Variants in GNAL observed in about 807,000 individuals in gnomAD.
GNAL encodes guanine nucleotide-binding protein G(olf) subunit alpha.
Under a neutral mutation model 55.1 loss-of-function variants are expected in GNAL, and 18 were observed. The observed-to-expected ratio is 0.33, with a 90% confidence interval of 0.23 to 0.48. The LOEUF (loss-of-function observed/expected upper bound fraction) is 0.48. Ranked by LOEUF, GNAL falls within the 20% of genes least tolerant of loss-of-function variation. The probability of loss-of-function intolerance (pLI) is 0.99; values close to 1 mark genes in which losing one functional copy is unlikely to be tolerated. For missense variants in GNAL, 412 were observed against 614.1 expected (o/e 0.67, Z 3.48); for synonymous variants, 253 against 237.0 (o/e 1.07, Z -0.62).
intron 1 of GNAL, among the ~76,000 whole-genome samples, chr18:11,703,646 G>A (rs189315866): frequency 1.6e-4 from 25 of 152,260 alleles, no homozygotes; most frequent in Admixed American, 1.0e-3. Flanking sequence ...AGTGGACTTC[G>A]CTGTGCCTCA....
chr18:11,884,697 G>A lies in GNAL; in HGVS notation c.*3562G>A, dbSNP rs2036920794. The A allele has an allele frequency of 2.0e-6, 3 of 1,502,606 alleles. No individual in the cohort carries two copies. Among genetic ancestry groups the A allele is most frequent in the Non-Finnish European group, 2.7e-6 (3 of 1,091,986 alleles). 93.1% of individuals were successfully genotyped at this position (1,502,606 alleles called of 1,614,324 possible). A position where few individuals can be genotyped will look rare whatever the true frequency, so the allele number is the denominator to read the frequency against. ...GTTGAACACCGCAGTCTTAGAAACAGCAGAGGGAAGACTGCCTTCTCAGGT... is the reference window on the plus strand; with the variant it reads ...GTTGAACACCGCAGTCTTAGAAACAACAGAGGGAAGACTGCCTTCTCAGGT... On this transcript the variant is annotated 3_prime_UTR_variant, in exon 12 of 12. Coordinates refer to ENST00000334049, the MANE Select transcript of GNAL (RefSeq NM_182978.4).
At chr18:11,826,976 C>G (rs1219192441) in intron 5 of GNAL, among the ~76,000 whole-genome samples, 1 of 152,084 alleles carries the variant, frequency 6.6e-6, no homozygotes, top group Non-Finnish European at 1.5e-5. Flanking sequence ...CAGCTTCAGA[C>G]AAGGAAGAGC....
At chr18:11,802,627 A>C (rs1688775964) in intron 4 of GNAL, among the ~76,000 whole-genome samples, 1 of 152,210 alleles carries the variant, frequency 6.6e-6, no homozygotes. Flanking sequence ...TGGTCACTGC[A>C]TATTTCTATA....
intron 5 of GNAL, among the ~76,000 whole-genome samples, chr18:11,859,455 A>C (rs569826751): frequency 6.6e-6 from 1 of 152,196 alleles, no homozygotes; most frequent in South Asian, 2.1e-4. Context: ...AGCAACCACC[A>C]TGCCAAAACT....
At chr18:11,760,131 C>T (rs1209942810) in intron 4 of GNAL, among the ~76,000 whole-genome samples, 2 of 152,236 alleles carry the variant, frequency 1.3e-5, no homozygotes, top group Non-Finnish European at 1.5e-5. Context: ...TCTTGGAGTG[C>T]ATCTCCTGCT....
chr18:11,876,706 C>T lies in GNAL; in HGVS notation c.1230+18C>T. 1 of 1,492,684 alleles carries T rather than the reference C, an allele frequency of 6.7e-7. No individual in the cohort carries two copies. Among genetic ancestry groups the T allele is most frequent in the Non-Finnish European group, 9.4e-7 (1 of 1,069,222 alleles). The allele number at this position is 1,492,684 out of a possible 1,614,324, so 92.5% of individuals were successfully genotyped here. A position where few individuals can be genotyped will look rare whatever the true frequency, so the allele number is the denominator to read the frequency against. ...TGTTTTTGGTAAGCAATTTTGTTAA[C>T]CTTTGTTTTTCTACCTCCCTTCTTA... On this transcript the variant is annotated intron_variant, in intron 11 of 11. Transcript: ENST00000334049.
At chr18:11,801,364 A>T (rs1277645202) in intron 4 of GNAL, among the ~76,000 whole-genome samples, 1 of 152,210 alleles carries the variant, frequency 6.6e-6, no homozygotes, top group Non-Finnish European at 1.5e-5. Context: ...CAGCCTCGCC[A>T]GCATGGTGAA....
intron 5 of GNAL, among the ~76,000 whole-genome samples, chr18:11,825,528 C>T (rs890719869): frequency 5.3e-5 from 8 of 152,024 alleles, no homozygotes; most frequent in East Asian, 3.9e-4. Context: ...GTCAGGAGTT[C>T]GAGACCAGCC....
At chr18:11,747,799 C>T (rs1374552627) in intron 1 of GNAL, among the ~76,000 whole-genome samples, 1 of 152,184 alleles carries the variant, frequency 6.6e-6, no homozygotes, top group African/African-American at 2.4e-5. Context: ...TACTTTTGTG[C>T]CTTTCAAATT....
chr18:11,822,692 C>T (rs990774616), intron 4 of GNAL, among the ~76,000 whole-genome samples: 2 of 152,216 alleles, frequency 1.3e-5, no homozygotes, highest in East Asian at 3.9e-4. Context: ...GCTCTGGGGT[C>T]AGCACCGTGT....
At chr18:11,832,457 C>A (rs1384515402) in intron 5 of GNAL, among the ~76,000 whole-genome samples, 1 of 152,146 alleles carries the variant, frequency 6.6e-6, no homozygotes, top group African/African-American at 2.4e-5. Flanking sequence ...CTGATTTGAT[C>A]CTATGGCTGT....
At chr18:11,810,895 C>T (rs2034796494) in intron 4 of GNAL, 2 of 152,510 alleles carry the variant, frequency 1.3e-5, no homozygotes, top group Middle Eastern at 3.4e-3. Context: ...GTGGTTGAAG[C>T]TCAGTTCTGA....
chr18:11,701,781 A>C (rs2031578464), intron 1 of GNAL, among the ~76,000 whole-genome samples: 1 of 152,140 alleles, frequency 6.6e-6, no homozygotes, highest in South Asian at 2.1e-4. Flanking sequence ...AGATGAAGAA[A>C]GTTTGAGCAA....
intron 5 of GNAL, among the ~76,000 whole-genome samples, chr18:11,830,746 T>C (rs777026560): frequency 3.9e-5 from 6 of 152,208 alleles, no homozygotes; most frequent in Non-Finnish European, 7.3e-5. Context: ...AAATGAAGAA[T>C]GTATAGACAA....
intron 1 of GNAL, among the ~76,000 whole-genome samples, chr18:11,705,037 C>T (rs540106783): frequency 5.7e-4 from 87 of 152,208 alleles, no homozygotes; most frequent in African/African-American, 2.1e-3. Context: ...ATGGGGACAA[C>T]GTTGTACAGC....
intron 4 of GNAL, among the ~76,000 whole-genome samples, chr18:11,793,479 G>A (rs10401124): frequency 0.02 from 2,984 of 152,120 alleles, 106 homozygotes; most frequent in African/African-American, 0.069. Flanking sequence ...CTACTTGGGG[G>A]GCTGAGGCAG....
At chr18:11,750,690 C>A (rs1259495716) in intron 1 of GNAL, among the ~76,000 whole-genome samples, 1 of 152,038 alleles carries the variant, frequency 6.6e-6, no homozygotes, top group Admixed American at 6.5e-5. Context: ...AATGTGGAAG[C>A]CAGGCTGCCA....
chr18:11,829,965 C>T (rs951190919), intron 5 of GNAL, among the ~76,000 whole-genome samples: 2 of 151,940 alleles, frequency 1.3e-5, no homozygotes, highest in Admixed American at 6.6e-5. Flanking sequence ...AGCTGAAATC[C>T]GTGTACTCCA....
chr18:11,692,809 A>G (rs1439890634), intron 1 of GNAL, among the ~76,000 whole-genome samples: 1 of 151,318 alleles, frequency 6.6e-6, no homozygotes, highest in Non-Finnish European at 1.5e-5. Flanking sequence ...TCAAAAATGA[A>G]TAAATAAACA....
Sources: allele counts gnomAD v4.1 joint callset (sites outside exome capture counted in the v4.1 genomes callset), GRCh38; gene constraint gnomAD v4.1.1; transcripts MANE v1.5; gene names NCBI Gene and HGNC (gene_info 2026-07-23, HGNC 2026-07-21).